ROBO2: variants seen among roughly 807,000 people sequenced by gnomAD.
ROBO2 encodes the protein roundabout homolog 2.
Under a neutral mutation model 160.8 loss-of-function variants are expected in ROBO2, and 53 were observed. That is an observed-to-expected ratio of 0.33 (90% confidence interval 0.26 to 0.41). ROBO2 has a LOEUF of 0.41. Ranked by LOEUF, ROBO2 falls within the 10% of genes least tolerant of loss-of-function variation. ROBO2 has a pLI of 1.00. For missense variants in ROBO2, 1,577 were observed against 1,722.4 expected (o/e 0.92, Z 1.49); for synonymous variants, 664 against 611.7 (o/e 1.09, Z -1.26).
intron 2 of ROBO2, among the ~76,000 whole-genome samples, chr3:76,406,789 T>C (rs1408967069): frequency 6.6e-6 from 1 of 151,976 alleles, no homozygotes; most frequent in Non-Finnish European, 1.5e-5. Flanking sequence ...CTCTTTTTTG[T>C]AGGTCCAGTC....
rs561052927 is a variant in ROBO2 at position 76,571,429 on chromosome 3, A to G, written c.110-526585A>G. Among the ~76,000 whole-genome samples, 10 of 152,266 alleles carry G rather than the reference A, an allele frequency of 6.6e-5. No individual in the cohort carries two copies. In the South Asian group the frequency reaches 2.1e-3, roughly 32 times the overall value. ...AGCCATAAAATATCTTTTCAATAAA[A>G]TTACCAGAGTAAATATGAGACCTAG... On this transcript the variant is annotated intron_variant, in intron 2 of 26. Coordinates refer to the ROBO2 transcript ENST00000487694.
chr3:76,266,960 T>C (rs1299323033), intron 2 of ROBO2, among the ~76,000 whole-genome samples: 1 of 152,198 alleles, frequency 6.6e-6, no homozygotes, highest in Admixed American at 6.5e-5. Flanking sequence ...AAAATCCACA[T>C]GTTCTTTCGG....
chr3:76,697,866 A>G (rs185742116), intron 2 of ROBO2, among the ~76,000 whole-genome samples: 151 of 152,280 alleles, frequency 9.9e-4, no homozygotes, highest in Non-Finnish European at 1.6e-3. Flanking sequence ...GGGAACTGTG[A>G]TAGTCTACAG....
chr3:76,988,235 A>G (rs1404173331), intron 2 of ROBO2, among the ~76,000 whole-genome samples: 1 of 152,174 alleles, frequency 6.6e-6, no homozygotes, highest in African/African-American at 2.4e-5. Flanking sequence ...AAATAAAAAT[A>G]TACTGTAAAT....
At chr3:76,618,849 C>T (rs7624335) in intron 2 of ROBO2, among the ~76,000 whole-genome samples, 86,780 of 151,434 alleles carry the variant, frequency 0.57, 25,329 homozygotes, top group Middle Eastern at 0.7. Flanking sequence ...TTTACTATGT[C>T]ACTATATTAT....
intron 13 of ROBO2, among the ~76,000 whole-genome samples, chr3:77,570,293 G>A (rs2093605334): frequency 6.6e-6 from 1 of 151,988 alleles, no homozygotes; most frequent in African/African-American, 2.4e-5. Context: ...AATAGCATTA[G>A]ATCAAAATTG....
chr3:77,425,791 G>T (rs1228314703), intron 2 of ROBO2, among the ~76,000 whole-genome samples: 1 of 151,652 alleles, frequency 6.6e-6, no homozygotes, highest in African/African-American at 2.4e-5. Context: ...AGCTTCTCGA[G>T]TAGCTGGAAT....
intron 2 of ROBO2, among the ~76,000 whole-genome samples, chr3:76,849,241 AG>A (rs2069085289): frequency 6.6e-6 from 1 of 152,220 alleles, no homozygotes; most frequent in South Asian, 2.1e-4. Flanking sequence ...AGCTTTTCTT[AG>A]GCATCATCTC....
chr3:77,072,994 A>G (rs766869758), intron 1 of ROBO2, among the ~76,000 whole-genome samples: 2 of 152,226 alleles, frequency 1.3e-5, no homozygotes, highest in Non-Finnish European at 2.9e-5. Flanking sequence ...TTATTTTTAC[A>G]AACATGAACA....
At chr3:76,746,298 G>C (rs1359135089) in intron 2 of ROBO2, among the ~76,000 whole-genome samples, 1 of 151,668 alleles carries the variant, frequency 6.6e-6, no homozygotes, top group Non-Finnish European at 1.5e-5. Context: ...AAACATACGT[G>C]TGCGTGTGTC....
intron 2 of ROBO2, among the ~76,000 whole-genome samples, chr3:76,052,569 T>G (rs1003217241): frequency 5.3e-5 from 8 of 152,024 alleles, no homozygotes; most frequent in African/African-American, 1.9e-4. Flanking sequence ...ATTTTCTGAT[T>G]AAAGTAAAAT....
intron 2 of ROBO2, among the ~76,000 whole-genome samples, chr3:76,785,705 A>G (rs557178094): frequency 1.5e-4 from 22 of 151,382 alleles, no homozygotes; most frequent in African/African-American, 4.3e-4. Flanking sequence ...GACACTATCC[A>G]TATTCATAAT....
At chr3:77,434,022 A>G (rs1477819188) in intron 2 of ROBO2, among the ~76,000 whole-genome samples, 1 of 152,092 alleles carries the variant, frequency 6.6e-6, no homozygotes, top group Non-Finnish European at 1.5e-5. Flanking sequence ...GTGCACCTAA[A>G]GCTACTCTTC....
At chr3:76,264,948 G>T (rs887210007) in intron 2 of ROBO2, among the ~76,000 whole-genome samples, 6 of 152,182 alleles carry the variant, frequency 3.9e-5, no homozygotes, top group African/African-American at 9.6e-5. Flanking sequence ...TCCCCATGCA[G>T]TTTTTTTCCA....
chr3:76,203,728 C>G (rs562011931), intron 2 of ROBO2, among the ~76,000 whole-genome samples: 129 of 144,970 alleles, frequency 8.9e-4, no homozygotes, highest in African/African-American at 3.1e-3. Context: ...TCGGCTTCCC[C>G]CATAATTTCT....
intron 5 of ROBO2, among the ~76,000 whole-genome samples, chr3:77,517,739 T>C (rs1277820160): frequency 6.6e-6 from 1 of 151,502 alleles, no homozygotes; most frequent in Non-Finnish European, 1.5e-5. Context: ...CACAGCATTC[T>C]GAGTAACATG....
chr3:77,205,407 C>T (rs2083334299), intron 2 of ROBO2, among the ~76,000 whole-genome samples: 1 of 151,390 alleles, frequency 6.6e-6, no homozygotes, highest in Admixed American at 6.5e-5. Flanking sequence ...TCTTCTCTCT[C>T]TTTCTCTGCC....
chr3:77,492,613 T>TTGATAAATAAATAG (rs2086269849), intron 4 of ROBO2, among the ~76,000 whole-genome samples: 1 of 152,030 alleles, frequency 6.6e-6, no homozygotes, highest in Non-Finnish European at 1.5e-5. Context: ...CCTCAAAAAA[T>TTGATAAATAAATAG]TGATAAATAA....
At chr3:77,323,334 T>C (rs750157243) in intron 2 of ROBO2, among the ~76,000 whole-genome samples, 1 of 151,904 alleles carries the variant, frequency 6.6e-6, no homozygotes, top group East Asian at 1.9e-4. Context: ...TGACTTTTCA[T>C]ACTTGCTCTC....
Sources: gnomAD v4.1 joint callset for allele counts (sites outside exome capture counted in the v4.1 genomes callset) on GRCh38, gnomAD v4.1.1 for gene constraint, MANE v1.5 for transcripts, NCBI Gene and HGNC (gene_info 2026-07-23, HGNC 2026-07-21) for gene names.